LHFPL4: variants seen among roughly 807,000 people sequenced by gnomAD.
LHFPL4 encodes the protein LHFPL tetraspan subfamily member 4 protein.
Under a neutral mutation model 20.0 loss-of-function variants are expected in LHFPL4, and 6 were observed. The observed-to-expected ratio is 0.30, with a 90% confidence interval of 0.16 to 0.59. LHFPL4 has a LOEUF of 0.59. LHFPL4 is among the 20% of genes least tolerant of loss of function. The pLI is 0.88. For missense variants in LHFPL4, 215 were observed against 331.2 expected, an observed-to-expected ratio of 0.65 and a Z score of 2.72; for synonymous variants, 129 against 143.8, an observed-to-expected ratio of 0.90 and a Z score of 0.74.
intron 3 of LHFPL4, among the ~76,000 whole-genome samples, chr3:9,502,559 C>T (rs577920927): frequency 2.6e-5 from 4 of 152,178 alleles, no homozygotes; most frequent in East Asian, 3.9e-4. Flanking sequence ...AAAAATTAGC[C>T]GGGCATGGTG....
chr3:9,522,875 A>G (rs1422080560), intron 2 of LHFPL4, among the ~76,000 whole-genome samples: 1 of 151,540 alleles, frequency 6.6e-6, no homozygotes, highest in Non-Finnish European at 1.5e-5. Flanking sequence ...CCCCGTCTCT[A>G]CTAAAAATAC....
At position 9,501,738 on chromosome 3, in the gene LHFPL4, GAAA is replaced by G. The variant is rs373849529; in HGVS notation, c.*470_*472del. Reference sequence around the variant, plus strand: ...GGTGGAACCAACATCAGCCAAAAAAGAAAAAAAAAAAAAGTAGGAAAGAGTCCA... The same window carrying G: ...GGTGGAACCAACATCAGCCAAAAAAGAAAAAAAAAAGTAGGAAAGAGTCCA... On this transcript the variant is annotated 3_prime_UTR_variant, in exon 4 of 4. Coordinates refer to ENST00000287585, the MANE Select transcript of LHFPL4 (RefSeq NM_198560.3). 4 of 132,952 alleles carry G rather than the reference GAAA, an allele frequency of 3.0e-5. No homozygotes were observed. The highest frequency in any genetic ancestry group is 6.6e-5 in the Non-Finnish European group (4 of 60,854). 8.2% of individuals were successfully genotyped at this position (132,952 alleles called of 1,614,324 possible). A position where few individuals can be genotyped will look rare whatever the true frequency, so the allele number is the denominator to read the frequency against.
At chr3:9,547,098 C>T (rs549797203) in intron 2 of LHFPL4, among the ~76,000 whole-genome samples, 3 of 152,314 alleles carry the variant, frequency 2.0e-5, no homozygotes, top group Non-Finnish European at 4.4e-5. Flanking sequence ...AAGTAATCCT[C>T]CCACCTCAGC....
chr3:9,512,167 G>T (rs1007984979), intron 2 of LHFPL4, among the ~76,000 whole-genome samples: 1 of 152,160 alleles, frequency 6.6e-6, no homozygotes, highest in Non-Finnish European at 1.5e-5. Context: ...TCCTGACCTC[G>T]TGATCCACCC....
chr3:9,540,638 C>T (rs1003355699), intron 2 of LHFPL4, among the ~76,000 whole-genome samples: 6 of 151,978 alleles, frequency 3.9e-5, no homozygotes, highest in African/African-American at 1.4e-4. Flanking sequence ...TCATGCCTGT[C>T]ATCCCAGCAA....
At chr3:9,523,343 T>C (rs1262683577) in intron 2 of LHFPL4, among the ~76,000 whole-genome samples, 1 of 149,196 alleles carries the variant, frequency 6.7e-6, no homozygotes, top group African/African-American at 2.5e-5. Context: ...ATCGCGCCAC[T>C]GGACTGTAGC....
At chr3:9,510,657 G>A (rs2125656566) in intron 2 of LHFPL4, among the ~76,000 whole-genome samples, 1 of 152,026 alleles carries the variant, frequency 6.6e-6, no homozygotes, top group South Asian at 2.1e-4. Context: ...GTGTTGAGTG[G>A]CCCGGCGCGA....
intron 2 of LHFPL4, among the ~76,000 whole-genome samples, chr3:9,534,622 C>T (rs1034317671): frequency 3.3e-5 from 5 of 152,144 alleles, no homozygotes; most frequent in African/African-American, 1.2e-4. Flanking sequence ...ACCTGTTGCA[C>T]CTTTTGAATT....
At chr3:9,526,950 GA>G (rs201536789) in intron 2 of LHFPL4, among the ~76,000 whole-genome samples, 10 of 142,328 alleles carry the variant, frequency 7.0e-5, no homozygotes, top group East Asian at 4.1e-4. Context: ...AAGAAAAAAA[GA>G]AAAAAAAAGG....
In LHFPL4 at chr3:9,552,522, G is replaced by T. The variant is rs746226883; in HGVS notation, c.158C>A (p.Thr53Asn). 8 of 1,613,846 alleles carry T rather than the reference G, an allele frequency of 5.0e-6. No homozygotes were observed. Among genetic ancestry groups the T allele is most frequent in the Non-Finnish European group, 6.8e-6 (8 of 1,179,948 alleles). The change falls in exon 2 of 4, where the codon ACC (threonine) becomes AAC (asparagine). Residue 53 changes from threonine (T) to asparagine (N), a missense_variant. Thr to Asn is a moderately conservative substitution (Grantham distance 65, BLOSUM62 0). Transcript: ENST00000287585. ...QPYWVGDSVS[T>N]PKPGYFGLFH... ...GAGGCCGAAGTAGCCAGGCTTGGGG[G>T]TGCTCACGCTGTCGCCCACCCAGTA...
chr3:9,533,198 A>G (rs1229701888), intron 2 of LHFPL4, among the ~76,000 whole-genome samples: 1 of 152,062 alleles, frequency 6.6e-6, no homozygotes, highest in Admixed American at 6.6e-5. Context: ...CTAGACCCAG[A>G]CCCCTCTTTT....
At position 9,524,248 on chromosome 3, in the gene LHFPL4, T is replaced by A. The variant is rs112133032; in HGVS notation, c.407-18045A>T. On this transcript the variant is annotated intron_variant, in intron 2 of 3. Coordinates refer to ENST00000287585, the MANE Select transcript of LHFPL4 (RefSeq NM_198560.3). ...CTTTTTTTTTTTGGCATATCCTGCA[T>A]GGTGTTCTCTGAGCTTCTTGGATGT... Among the ~76,000 whole-genome samples, 9 of 152,006 alleles carry A rather than the reference T, an allele frequency of 5.9e-5. 1 individual carries two copies. The highest frequency in any genetic ancestry group is 1.9e-4 in the African/African-American group (8 of 41,524).
At chr3:9,525,997 A>G (rs1359042585) in intron 2 of LHFPL4, among the ~76,000 whole-genome samples, 1 of 152,216 alleles carries the variant, frequency 6.6e-6, no homozygotes, top group Non-Finnish European at 1.5e-5. Flanking sequence ...TTTAGTTTTA[A>G]AAAAAGTAGG....
intron 3 of LHFPL4, among the ~76,000 whole-genome samples, chr3:9,504,317 G>A (rs1263628379): frequency 1.3e-5 from 2 of 151,284 alleles, no homozygotes; most frequent in South Asian, 2.1e-4. Flanking sequence ...GCTGGAGGCT[G>A]CAGTGAGCCG....
intron 2 of LHFPL4, among the ~76,000 whole-genome samples, chr3:9,512,949 G>T (rs950006175): frequency 5.7e-5 from 8 of 139,880 alleles, no homozygotes; most frequent in Non-Finnish European, 1.0e-4. Context: ...ACATTTTTTT[G>T]TTTGTTTGTT....
At chr3:9,502,404 C>T in intron 3 of LHFPL4, 93 bp from the exon 4 acceptor site, 1 of 932,858 alleles carries the variant, frequency 1.1e-6, no homozygotes, top group Non-Finnish European at 1.7e-6. Flanking sequence ...TTCCCCAGGG[C>T]ACAAGTGGGC....
chr3:9,515,962 ACCTCAG>A, intron 2 of LHFPL4, among the ~76,000 whole-genome samples: 1 of 151,338 alleles, frequency 6.6e-6, no homozygotes, highest in Non-Finnish European at 1.5e-5. Context: ...TGATCCACCC[ACCTCAG>A]CCTCCCAAAG....
At chr3:9,510,805 G>A (rs916381331) in intron 2 of LHFPL4, among the ~76,000 whole-genome samples, 2 of 151,838 alleles carry the variant, frequency 1.3e-5, no homozygotes, top group African/African-American at 2.4e-5. Flanking sequence ...GGGCTTGGTG[G>A]CACATGCCTG....
intron 2 of LHFPL4, among the ~76,000 whole-genome samples, chr3:9,509,503 C>T (rs2046243445): frequency 6.6e-6 from 1 of 152,192 alleles, no homozygotes; most frequent in Admixed American, 6.5e-5. Context: ...CCGGGGACAG[C>T]AGGCTGGGTG....
Sources: gnomAD v4.1 joint callset for allele counts (sites outside exome capture counted in the v4.1 genomes callset) on GRCh38, gnomAD v4.1.1 for gene constraint, MANE v1.5 for transcripts, NCBI Gene and HGNC (gene_info 2026-07-23, HGNC 2026-07-21) for gene names.